ZNF766: variants seen among roughly 807,000 people sequenced by gnomAD.
ZNF766 encodes the protein zinc finger protein 766.
ZNF766 carries 13 observed loss-of-function variants against 13.2 expected under a neutral mutation model. The observed-to-expected ratio is 0.98, with a 90% confidence interval of 0.64 to 1.56. The LOEUF (loss-of-function observed/expected upper bound fraction) is 1.56, where lower values mean the gene tolerates loss of function less well. ZNF766 is among the 40% of genes most tolerant of loss of function. The pLI is 0.00. For synonymous variants in ZNF766, 178 were observed against 187.6 expected (o/e 0.95, Z 0.42); for missense variants, 521 against 552.2 (o/e 0.94, Z 0.57).
chr19:52,281,970 T>C (rs1981546814), intron 1 of ZNF766, 141 bp from the exon 2 acceptor site: 1 of 1,017,990 alleles, frequency 9.8e-7, no homozygotes, highest in African/African-American at 1.6e-5. Context: ...CATAACTAGC[T>C]CAAAAATACC....
intron 1 of ZNF766, among the ~76,000 whole-genome samples, chr19:52,276,817 A>G (rs998658088): frequency 6.6e-6 from 1 of 152,222 alleles, no homozygotes; most frequent in South Asian, 2.1e-4. Context: ...GGCTGAGTTC[A>G]GCCTCTGATT....
chr19:52,280,053 C>T (rs1353284450), intron 1 of ZNF766, among the ~76,000 whole-genome samples: 1 of 152,106 alleles, frequency 6.6e-6, no homozygotes, highest in Non-Finnish European at 1.5e-5. Context: ...GCCTCAGCCT[C>T]CCAAAGTGTT....
chr19:52,285,378 T>A (rs1487727097), intron 3 of ZNF766, among the ~76,000 whole-genome samples: 2 of 152,154 alleles, frequency 1.3e-5, no homozygotes, highest in East Asian at 3.9e-4. Context: ...TTGCCCCCCT[T>A]CCCACCAGTT....
intron 3 of ZNF766, among the ~76,000 whole-genome samples, chr19:52,289,811 T>A (rs879448904): frequency 1.3e-5 from 2 of 151,984 alleles, no homozygotes; most frequent in Admixed American, 1.3e-4. Flanking sequence ...CCATCCTGGC[T>A]AACACAGTGA....
At chr19:52,279,799 T>C (rs865973198) in intron 1 of ZNF766, among the ~76,000 whole-genome samples, 18 of 137,446 alleles carry the variant, frequency 1.3e-4, no homozygotes, top group Middle Eastern at 3.5e-3. Context: ...CTTTTTTTTT[T>C]TTTTTTTTTT....
rs1305598862 is a variant in ZNF766, at chr19:52,290,953, T to C, written c.1162T>C (p.Cys388Arg). ...AGAGAAACCTTATAAATGTCATGAA[T>C]GTGGCAAAGTCTTCACTCAAGTTTC... is the stretch of plus-strand genomic sequence containing the variant. Reference protein sequence around the residue: ...NGEKPYKCHECGKVFTQVSHL... With the variant: ...NGEKPYKCHERGKVFTQVSHL... Residue 388 changes from cysteine (C) to arginine (R), a missense_variant, in exon 4 of 4, where the codon TGT becomes CGT. Physicochemically the swap from Cys to Arg is radical, Grantham distance 180. Coordinates refer to ENST00000439461, the MANE Select transcript of ZNF766 (RefSeq NM_001010851.3). The C allele has an allele frequency of 1.9e-6, 3 of 1,614,026 alleles. No individual in the cohort carries two copies. Among genetic ancestry groups the C allele is most frequent in the Non-Finnish European group, 2.5e-6 (3 of 1,180,030 alleles).
At chr19:52,287,936 C>G in intron 3 of ZNF766, 1 of 400,594 alleles carries the variant, frequency 2.5e-6, no homozygotes, top group Non-Finnish European at 4.8e-6. Flanking sequence ...TCTTACTTTC[C>G]TGACTTTCTC....
chr19:52,281,802 G>A (rs2122477382), intron 1 of ZNF766: 1 of 521,022 alleles, frequency 1.9e-6, no homozygotes. Context: ...GACACACCAA[G>A]TGATATTCAT....
chr19:52,290,831 TA>T lies in ZNF766; in HGVS notation c.1042del (p.Ile348SerfsTer23), dbSNP rs1173101460. The T allele has an allele frequency of 6.2e-7, 1 of 1,614,036 alleles. No individual in the cohort carries two copies. Among genetic ancestry groups the T allele is most frequent in the East Asian group, 2.2e-5 (1 of 44,862 alleles). On this transcript the variant is annotated frameshift_variant, in exon 4 of 4. Coordinates refer to ENST00000439461, the MANE Select transcript of ZNF766 (RefSeq NM_001010851.3). LOFTEE classifies it low-confidence loss of function (END_TRUNC). ...CATTCAAGCCTCACCACCCATCTGT[TA>T]ATCCACACTGGAGAGAAACCTTACA... ...SGHSSLTTHLLIHTGEKPYKC... is the reference protein window; with the variant it reads ...SGHSSLTTHLXIHTGEKPYKC...
intron 3 of ZNF766, among the ~76,000 whole-genome samples, chr19:52,286,138 G>C (rs1237370340): frequency 6.9e-6 from 1 of 145,886 alleles, no homozygotes; most frequent in Non-Finnish European, 1.5e-5. Flanking sequence ...TCCCGGAAGA[G>C]CTCAATTAAA....
Position 52,290,164 on chromosome 19 carries a change from C to G in ZNF766, c.373C>G (p.Gln125Glu), listed in dbSNP as rs1982050000. Residue 125 changes from glutamine to glutamate, a missense_variant, in exon 4 of 4, where the codon CAA becomes GAA. Physicochemically the swap from Gln to Glu is conservative, Grantham distance 29 (BLOSUM62 2). Coordinates refer to ENST00000439461, the MANE Select transcript of ZNF766 (RefSeq NM_001010851.3). Reference protein sequence around the residue: ...QLPLPELEIFQGEGKIYECNQ... With the variant: ...QLPLPELEIFEGEGKIYECNQ... Reference sequence around the variant, plus strand: ...ACCTCTGCCAGAACTGGAGATATTTCAAGGTGAAGGGAAGATTTATGAATG... The same window carrying G: ...ACCTCTGCCAGAACTGGAGATATTTGAAGGTGAAGGGAAGATTTATGAATG... The G allele has an allele frequency of 6.2e-7, 1 of 1,613,956 alleles. No homozygotes were observed. The highest frequency in any genetic ancestry group is 1.1e-5 in the South Asian group (1 of 91,090).
chr19:52,286,145 TA>T lies in ZNF766; in HGVS notation c.274+2745del, dbSNP rs975698382. On this transcript the variant is annotated intron_variant, in intron 3 of 3. Transcript: ENST00000439461. The stretch of plus-strand genomic sequence containing the variant: ...GACCTGGATCCCGGAAGAGCTCAAT[TA>T]AAAAAAAAAAAAGAAAGAAAGAAAG... Among the ~76,000 whole-genome samples the T allele has an allele frequency of 4.3e-3, 567 of 132,554 alleles. 1 individual carries two copies. The highest frequency in any genetic ancestry group is 3.7e-3 in the African/African-American group (121 of 32,674). 87.0% of individuals were successfully genotyped at this position (132,554 alleles called of 152,430 possible).
Position 52,290,397 on chromosome 19 carries a change from T to C in ZNF766, c.606T>C (p.Leu202=). Residue 202 remains leucine (L), a synonymous_variant, in exon 4 of 4, where the codon CTT becomes CTC. Coordinates refer to ENST00000439461, the MANE Select transcript of ZNF766 (RefSeq NM_001010851.3). ...AAGTCTTCAGAGTGTCTTCAAGCCT[T>C]CCTAATCATCAAGTAATCCACACTG... ...QGKVFRVSSS[L]PNHQVIHTAD... 1.2e-6 allele frequency: 2 copies of C among 1,613,938 alleles called. No homozygotes were observed. The highest frequency in any genetic ancestry group is 1.7e-6 in the Non-Finnish European group (2 of 1,180,020).
chr19:52,286,188 T>TCCCCCCCCCCC (rs71254004), intron 3 of ZNF766, among the ~76,000 whole-genome samples: 7 of 146,604 alleles, frequency 4.8e-5, no homozygotes, highest in African/African-American at 1.9e-4. Context: ...AGTGGGCTTT[T>TCCCCCCCCCCC]CCCCCCTAAT....
In ZNF766 at chr19:52,291,142, A is replaced by C; in HGVS notation, c.1351A>C (p.Ser451Arg). 1.9e-6 allele frequency: 3 copies of C among 1,611,936 alleles called. No individual in the cohort carries two copies. Among genetic ancestry groups the C allele is most frequent in the Non-Finnish European group, 2.5e-6 (3 of 1,178,744 alleles). Residue 451 changes from serine to arginine, a missense_variant, in exon 4 of 4, where the codon AGT becomes CGT. Transcript: ENST00000439461. ...CHVCGKVFRH[S>R]SWFVQHQRSV... ...TGTGTGTGGTAAGGTCTTTAGGCAC[A>C]GTTCATGGTTTGTACAGCATCAGAG...
At chr19:52,288,345 A>G (rs1981935970) in intron 3 of ZNF766, among the ~76,000 whole-genome samples, 1 of 150,178 alleles carries the variant, frequency 6.7e-6, no homozygotes, top group Non-Finnish European at 1.5e-5. Context: ...CTTTATTGAG[A>G]TATAAAGTTA....
At chr19:52,289,535 C>T (rs1379193769) in intron 3 of ZNF766, among the ~76,000 whole-genome samples, 1 of 152,184 alleles carries the variant, frequency 6.6e-6, no homozygotes, top group African/African-American at 2.4e-5. Flanking sequence ...TTTCTCTACT[C>T]ATAATCCCTC....
At chr19:52,286,058 A>C (rs1476656594) in intron 3 of ZNF766, among the ~76,000 whole-genome samples, 2 of 151,146 alleles carry the variant, frequency 1.3e-5, no homozygotes, top group African/African-American at 4.9e-5. Context: ...AATGAAAGAG[A>C]GTTAATAAGC....
At position 52,278,050 on chromosome 19, in the gene ZNF766, G is replaced by A. The variant is rs533210752; in HGVS notation, c.19-4061G>A. 2.1e-5 allele frequency among the ~76,000 whole-genome samples: 3 copies of A among 146,114 alleles called. No individual in the cohort carries two copies. In the East Asian group the frequency reaches 6.0e-4, roughly 29 times the overall value. On this transcript the variant is annotated intron_variant, in intron 1 of 3. Transcript: ENST00000439461. Reference sequence around the variant, plus strand: ...TACAGTGGTGCAATCTTGGCTCACTGCAACCTCTACCTCCCAGGCTCAAGC... The same window carrying A: ...TACAGTGGTGCAATCTTGGCTCACTACAACCTCTACCTCCCAGGCTCAAGC...
Sources: allele counts gnomAD v4.1 joint callset (sites outside exome capture counted in the v4.1 genomes callset), GRCh38; gene constraint gnomAD v4.1.1; transcripts MANE v1.5; gene names NCBI Gene and HGNC (gene_info 2026-07-23, HGNC 2026-07-21).